GRIN3A: variants seen among roughly 807,000 people sequenced by gnomAD.
GRIN3A encodes the protein glutamate ionotropic receptor NMDA type subunit 3A, also known as glutamate receptor ionotropic, NMDA 3A.
A neutral mutation model predicts 92.4 loss-of-function variants in GRIN3A; 47 were observed. The observed-to-expected ratio is 0.51, with a 90% CI of 0.40 to 0.65. The LOEUF (loss-of-function observed/expected upper bound fraction) is 0.65. GRIN3A is among the 30% of genes least tolerant of loss of function. The pLI is 0.00. For missense variants in GRIN3A, 1,324 were observed against 1,393.1 expected, an observed-to-expected ratio of 0.95 and a Z score of 0.79; for synonymous variants, 527 against 540.6, an observed-to-expected ratio of 0.97 and a Z score of 0.35.
intron 8 of GRIN3A, among the ~76,000 whole-genome samples, chr9:101,576,821 A>G (rs567815209): frequency 6.6e-6 from 1 of 152,274 alleles, no homozygotes; most frequent in African/African-American, 2.4e-5. Context: ...GATTCCAACA[A>G]GCTAGATGGA....
intron 5 of GRIN3A, among the ~76,000 whole-genome samples, chr9:101,619,693 G>C (rs1244542798): frequency 2.0e-5 from 3 of 152,168 alleles, no homozygotes; most frequent in African/African-American, 7.2e-5. Flanking sequence ...ATAATTATTG[G>C]AAAGCAAGTA....
intron 6 of GRIN3A, among the ~76,000 whole-genome samples, chr9:101,585,952 C>T (rs1269148766): frequency 3.3e-5 from 5 of 152,148 alleles, no homozygotes; most frequent in African/African-American, 9.7e-5. Flanking sequence ...CGCTGGTTGA[C>T]TTTGCTCAGC....
chr9:101,663,076 A>T (rs187613101), intron 3 of GRIN3A, among the ~76,000 whole-genome samples: 1 of 151,916 alleles, frequency 6.6e-6, no homozygotes, highest in Admixed American at 6.6e-5. Flanking sequence ...GTCATAGTTG[A>T]TGAGACAGTT....
At chr9:101,597,890 A>G (rs1045691921) in intron 6 of GRIN3A, among the ~76,000 whole-genome samples, 6 of 152,178 alleles carry the variant, frequency 3.9e-5, no homozygotes, top group African/African-American at 1.4e-4. Context: ...TGCTTGGATT[A>G]TGGTAAAAAA....
rs562646816 is a variant in GRIN3A, at chr9:101,672,424, G to A, written c.1305-1317C>T. ...TTAAAAGTGGGAAACACAAAGTATTGCATTATGATAAATCCATGGCAGTTA... is the reference window on the plus strand; with the variant it reads ...TTAAAAGTGGGAAACACAAAGTATTACATTATGATAAATCCATGGCAGTTA... On this transcript the variant is annotated intron_variant, in intron 2 of 8. Coordinates refer to ENST00000361820, the MANE Select transcript of GRIN3A (RefSeq NM_133445.3). Among the ~76,000 whole-genome samples the A allele has an allele frequency of 2.0e-5, 3 of 152,114 alleles. No individual in the cohort carries two copies. In the South Asian group the frequency reaches 6.2e-4, roughly 32 times the overall value.
chr9:101,680,230 T>C (rs985202737), intron 2 of GRIN3A, among the ~76,000 whole-genome samples: 1 of 152,218 alleles, frequency 6.6e-6, no homozygotes, highest in East Asian at 1.9e-4. Context: ...ATTAGAATTA[T>C]AGCATTCAGC....
chr9:101,625,488 G>A (rs1828620951), intron 4 of GRIN3A, among the ~76,000 whole-genome samples: 1 of 152,220 alleles, frequency 6.6e-6, no homozygotes, highest in South Asian at 2.1e-4. Flanking sequence ...TAGACACATA[G>A]TTGGCAGGTC....
Position 101,639,958 on chromosome 9 carries a change from T to C in GRIN3A, c.2353-11557A>G, listed in dbSNP as rs1235751963. On this transcript the variant is annotated intron_variant, in intron 3 of 8. Coordinates refer to ENST00000361820, the MANE Select transcript of GRIN3A (RefSeq NM_133445.3). ...TAGGCTAGCTCTTGGGGTTATCTCA[T>C]AATTTTGTTTGTCATGGCTAAATAG... Among the ~76,000 whole-genome samples, 4 of 152,300 alleles carry C rather than the reference T, an allele frequency of 2.6e-5. No individual in the cohort carries two copies. The South Asian group carries it at 8.3e-4, about 32-fold the overall frequency.
At chr9:101,671,864 G>A (rs1535631) in intron 2 of GRIN3A, among the ~76,000 whole-genome samples, 50,867 of 152,030 alleles carry the variant, frequency 0.33, 9,435 homozygotes, top group Non-Finnish European at 0.41. Flanking sequence ...AGAAGCCACA[G>A]AAAGGAAAAT....
At chr9:101,722,549 C>T (rs1830026114) in intron 1 of GRIN3A, among the ~76,000 whole-genome samples, 1 of 152,206 alleles carries the variant, frequency 6.6e-6, no homozygotes, top group Non-Finnish European at 1.5e-5. Context: ...GTGAAAGCAG[C>T]TGGGAGGGAG....
chr9:101,733,201 T>C (rs1028772401), intron 1 of GRIN3A, among the ~76,000 whole-genome samples: 2 of 152,160 alleles, frequency 1.3e-5, no homozygotes, highest in Non-Finnish European at 2.9e-5. Flanking sequence ...CAAGAGCAAA[T>C]ATATTCTTCA....
intron 1 of GRIN3A, among the ~76,000 whole-genome samples, chr9:101,689,690 A>G (rs778865076): frequency 6.6e-6 from 1 of 152,084 alleles, no homozygotes; most frequent in African/African-American, 2.4e-5. Context: ...TTCTCCCCAT[A>G]TAAGGACAAA....
At chr9:101,587,575 A>G (rs1198357990) in intron 6 of GRIN3A, among the ~76,000 whole-genome samples, 1 of 152,212 alleles carries the variant, frequency 6.6e-6, no homozygotes, top group African/African-American at 2.4e-5. Context: ...CACATGTCTG[A>G]AAAGTAACTT....
At chr9:101,665,583 A>G (rs1027100821) in intron 3 of GRIN3A, among the ~76,000 whole-genome samples, 3 of 151,982 alleles carry the variant, frequency 2.0e-5, no homozygotes, top group African/African-American at 7.2e-5. Context: ...ATAGTAAGTC[A>G]GTGGTGGAAG....
At chr9:101,660,768 G>T (rs1829162529) in intron 3 of GRIN3A, among the ~76,000 whole-genome samples, 2 of 151,416 alleles carry the variant, frequency 1.3e-5, no homozygotes, top group South Asian at 4.2e-4. Context: ...GCCCCCAACA[G>T]GGGTTTTTCT....
chr9:101,602,729 C>T lies in GRIN3A; in HGVS notation c.2766+10647G>A, dbSNP rs184476177. Among the ~76,000 whole-genome samples the T allele has an allele frequency of 2.0e-4, 31 of 152,258 alleles. No individual in the cohort carries two copies. In the East Asian group the frequency reaches 5.6e-3, roughly 27 times the overall value. On this transcript the variant is annotated intron_variant, in intron 6 of 8. Coordinates refer to ENST00000361820, the MANE Select transcript of GRIN3A (RefSeq NM_133445.3). ...ATTCCGAGAGGTCTGTTTACTTGGTCGTTAGCAAGGGTGAAGGAGACACTT... is the reference window on the plus strand; with the variant it reads ...ATTCCGAGAGGTCTGTTTACTTGGTTGTTAGCAAGGGTGAAGGAGACACTT...
intron 3 of GRIN3A, among the ~76,000 whole-genome samples, chr9:101,655,432 A>G (rs1374425259): frequency 6.6e-6 from 1 of 151,946 alleles, no homozygotes; most frequent in Admixed American, 6.6e-5. Context: ...TTGAACAGTA[A>G]TTAAGTGAGC....
At chr9:101,694,292 A>G (rs991886500) in intron 1 of GRIN3A, among the ~76,000 whole-genome samples, 1 of 152,196 alleles carries the variant, frequency 6.6e-6, no homozygotes, top group African/African-American at 2.4e-5. Flanking sequence ...ATTTTATACC[A>G]GGCTATGGGT....
chr9:101,598,789 C>A (rs977409079), intron 6 of GRIN3A, among the ~76,000 whole-genome samples: 1 of 152,164 alleles, frequency 6.6e-6, no homozygotes, highest in Non-Finnish European at 1.5e-5. Context: ...GCTGCTCACA[C>A]GCTATACCAG....
Sources: allele counts gnomAD v4.1 joint callset (sites outside exome capture counted in the v4.1 genomes callset), GRCh38; gene constraint gnomAD v4.1.1; transcripts MANE v1.5; gene names NCBI Gene and HGNC (gene_info 2026-07-23, HGNC 2026-07-21).